The following WFDC10B variants were observed in gnomAD, a reference collection of about 807,000 sequenced individuals.
The protein encoded by WFDC10B is WAP four-disulfide core domain 10B.
In WFDC10B, 1 loss-of-function variant was observed where a neutral mutation model predicts 2.7. The ratio of observed to expected loss-of-function variants is 0.38; its 90% confidence interval spans 0.13 to 1.79. The LOEUF (loss-of-function observed/expected upper bound fraction) is 1.79, where lower values mean the gene tolerates loss of function less well. Among genes scored for constraint, WFDC10B ranks in the 40% most tolerant of loss-of-function variants. WFDC10B has a pLI of 0.33. For synonymous variants in WFDC10B, 26 were observed against 32.2 expected, an observed-to-expected ratio of 0.81 and a Z score of 0.65; for missense variants, 71 against 87.8, an observed-to-expected ratio of 0.81 and a Z score of 0.76.
chr20:45,690,343 T>C (rs1600955577), intron 2 of WFDC10B, among the ~76,000 whole-genome samples: 1 of 152,218 alleles, frequency 6.6e-6, no homozygotes, highest in African/African-American at 2.4e-5. Flanking sequence ...ATCAGGATGA[T>C]GCTGGTCTCA....
intron 2 of WFDC10B, among the ~76,000 whole-genome samples, chr20:45,694,896 C>G (rs1049757024): frequency 2.0e-5 from 3 of 151,934 alleles, no homozygotes; most frequent in Admixed American, 2.0e-4. Context: ...AACTCTTAAA[C>G]AATAAGATTT....
intron 2 of WFDC10B, among the ~76,000 whole-genome samples, chr20:45,699,761 C>A (rs2145642003): frequency 6.6e-6 from 1 of 152,324 alleles, no homozygotes; most frequent in South Asian, 2.1e-4. Context: ...TCACTGCAAC[C>A]TCTGCCTCCC....
intron 2 of WFDC10B, among the ~76,000 whole-genome samples, chr20:45,691,261 T>A (rs1335678477): frequency 6.6e-6 from 1 of 152,178 alleles, no homozygotes; most frequent in African/African-American, 2.4e-5. Context: ...TCCAACTATG[T>A]GGTCAATTTT....
Position 45,686,448 on chromosome 20 carries a change from A to G in WFDC10B, c.-64-392T>C, listed in dbSNP as rs534079432. 1.7e-4 allele frequency among the ~76,000 whole-genome samples: 26 copies of G among 152,156 alleles called. No homozygotes were observed. In the South Asian group the frequency reaches 4.6e-3, roughly 27 times the overall value. On this transcript the variant is annotated intron_variant, in intron 2 of 3. Transcript: ENST00000330523. ...TTATTTTCTCATTTTTGAATCACCT[A>G]TCTTTTGTTACCTACCGTCTGCCAC... is the stretch of plus-strand genomic sequence containing the variant.
chr20:45,700,597 TATACATAGAAAAAAGCA>T, intron 2 of WFDC10B, among the ~76,000 whole-genome samples: 1 of 152,328 alleles, frequency 6.6e-6, no homozygotes, highest in African/African-American at 2.4e-5. Flanking sequence ...ATCATCTCAA[TATACATAGAAAAAAGCA>T]ATACATATAA....
Position 45,704,727 on chromosome 20 carries a change from C to T in WFDC10B, c.-129-166G>A, listed in dbSNP as rs540839245. 256 of 1,408,514 alleles carry T rather than the reference C, an allele frequency of 1.8e-4. 1 individual carries two copies. Among genetic ancestry groups the T allele is most frequent in the Admixed American group, 1.3e-3 (59 of 46,516 alleles). The allele number at this position is 1,408,514 out of a possible 1,614,324, so 87.3% of individuals were successfully genotyped here. On this transcript the variant is annotated intron_variant, in intron 1 of 3. Transcript: ENST00000330523. ...CCTTGGTGGCCATGTTGCCAACATGCCCCTTCTCTTGACCAAGGATAATTT... is the reference window on the plus strand; with the variant it reads ...CCTTGGTGGCCATGTTGCCAACATGTCCCTTCTCTTGACCAAGGATAATTT...
chr20:45,691,063 A>G (rs1056833107), intron 2 of WFDC10B, among the ~76,000 whole-genome samples: 4 of 152,148 alleles, frequency 2.6e-5, no homozygotes, highest in South Asian at 2.1e-4. Flanking sequence ...TTCAAAGAAC[A>G]TCTTTATTTC....
At chr20:45,702,734 G>T (rs547826166) in intron 2 of WFDC10B, among the ~76,000 whole-genome samples, 1 of 152,148 alleles carries the variant, frequency 6.6e-6, no homozygotes, top group African/African-American at 2.4e-5. Context: ...TACAATTACC[G>T]GTAATTAGCA....
chr20:45,696,285 CAAAAAAAAAAA>C (rs368423161), intron 2 of WFDC10B, among the ~76,000 whole-genome samples: 2 of 48,206 alleles, frequency 4.1e-5, no homozygotes, highest in Non-Finnish European at 8.6e-5. Context: ...GACTCCGTCT[CAAAAAAAAAAA>C]AAAAAAAAAA....
chr20:45,704,320 A>C, intron 2 of WFDC10B, 177 bp downstream of exon 2: 1 of 1,324,198 alleles, frequency 7.6e-7, no homozygotes, highest in Non-Finnish European at 1.0e-6. Context: ...TGATGCCACC[A>C]CCCTGGAACC....
chr20:45,698,775 T>C (rs1390556364), intron 2 of WFDC10B, among the ~76,000 whole-genome samples: 1 of 152,058 alleles, frequency 6.6e-6, no homozygotes, highest in Non-Finnish European at 1.5e-5. Flanking sequence ...AAGACCAGCC[T>C]CGCCAACATG....
intron 3 of WFDC10B, 91 bp from the exon 4 acceptor site, chr20:45,685,051 G>T: frequency 6.5e-7 from 1 of 1,544,676 alleles, no homozygotes; most frequent in Non-Finnish European, 8.8e-7. Context: ...CCAGAACCAA[G>T]GCACCCCTGC....
At position 45,691,459 on chromosome 20, in the gene WFDC10B, T is replaced by C. The variant is rs538937851; in HGVS notation, c.-64-5403A>G. ...GGGTGTTAAAGTCTCCCATTATTAA[T>C]GTGTGGGAGTCTAAGTCTCTTTGTA... On this transcript the variant is annotated intron_variant, in intron 2 of 3. Coordinates refer to ENST00000330523, the MANE Select transcript of WFDC10B (RefSeq NM_172006.2). Among the ~76,000 whole-genome samples, 152 of 150,690 alleles carry C rather than the reference T, an allele frequency of 1.0e-3. 2 individuals carry two copies. The highest frequency in any genetic ancestry group is 3.5e-3 in the African/African-American group (142 of 40,804).
At chr20:45,702,808 C>T (rs756437600) in intron 2 of WFDC10B, among the ~76,000 whole-genome samples, 11 of 152,240 alleles carry the variant, frequency 7.2e-5, no homozygotes, top group Non-Finnish European at 1.6e-4. Flanking sequence ...CAAAAGAGCT[C>T]TGGCTCTAGT....
At position 45,684,971 on chromosome 20, in the gene WFDC10B, G is replaced by T; in HGVS notation, c.92-11C>A. On this transcript the variant is annotated splice_polypyrimidine_tract_variant and intron_variant, in intron 3 of 3. Coordinates refer to ENST00000330523, the MANE Select transcript of WFDC10B (RefSeq NM_172006.2). ...CACAGACCTTGATTCCTGAAATGAT[G>T]CAGGAGCAGGGTCAATGAAACCATG... 6.2e-7 allele frequency: 1 copy of T among 1,613,448 alleles called. No individual in the cohort carries two copies.
chr20:45,688,849 A>T (rs1307181418), intron 2 of WFDC10B, among the ~76,000 whole-genome samples: 3 of 152,122 alleles, frequency 2.0e-5, no homozygotes, highest in African/African-American at 7.2e-5. Context: ...GTTTAATTAG[A>T]TCCCATTTGT....
chr20:45,699,992 T>C (rs550611197), intron 2 of WFDC10B, among the ~76,000 whole-genome samples: 1 of 152,350 alleles, frequency 6.6e-6, no homozygotes, highest in Non-Finnish European at 1.5e-5. Context: ...TTTATCCTTT[T>C]AACCAATGAT....
intron 2 of WFDC10B, among the ~76,000 whole-genome samples, chr20:45,701,472 A>C (rs746677554): frequency 6.6e-6 from 1 of 152,166 alleles, no homozygotes; most frequent in Non-Finnish European, 1.5e-5. Context: ...TAAAAACTTC[A>C]AGCCTCAGAC....
chr20:45,687,611 A>G (rs1983663043), intron 2 of WFDC10B, among the ~76,000 whole-genome samples: 1 of 152,160 alleles, frequency 6.6e-6, no homozygotes, highest in Non-Finnish European at 1.5e-5. Flanking sequence ...TGGTTGAACT[A>G]ATTTACATTC....
Sources: gnomAD v4.1 joint callset for allele counts (sites outside exome capture counted in the v4.1 genomes callset) on GRCh38, gnomAD v4.1.1 for gene constraint, MANE v1.5 for transcripts, NCBI Gene and HGNC (gene_info 2026-07-23, HGNC 2026-07-21) for gene names.